The following CELSR3 variants were observed in gnomAD, a reference collection of about 807,000 sequenced individuals.
The protein encoded by CELSR3 is EGF-like protein 1.
Under a neutral mutation model 270.0 loss-of-function variants are expected in CELSR3, and 73 were observed. That is an observed-to-expected ratio of 0.27 (90% CI 0.22 to 0.33). CELSR3 has a LOEUF of 0.33. Among genes scored for constraint, CELSR3 ranks in the 10% least tolerant of loss-of-function variants. The probability of loss-of-function intolerance (pLI) is 1.00; values close to 1 mark genes in which losing one functional copy is unlikely to be tolerated. For synonymous variants in CELSR3, 1,780 were observed against 1,905.4 expected (o/e 0.93, Z 1.71); for missense variants, 3,614 against 4,533.8 (o/e 0.80, Z 5.83).
chr3:48,655,412 G>A lies in CELSR3; in HGVS notation c.4742-18C>T, dbSNP rs2047171886. The stretch of plus-strand genomic sequence containing the variant: ...GGATTCACCTGGAGGGGAGATGCAT[G>A]TGGAATCATCAGGAGCAGCGGAGTC... On this transcript the variant is annotated intron_variant, in intron 4 of 34. Coordinates refer to ENST00000164024, the MANE Select transcript of CELSR3 (RefSeq NM_001407.3). The surrounding 1 kb of genome is among the most constrained non-coding windows in gnomAD (Gnocchi z 5.8). 1.2e-6 allele frequency: 2 copies of A among 1,613,312 alleles called. No homozygotes were observed. The highest frequency in any genetic ancestry group is 8.5e-7 in the Non-Finnish European group (1 of 1,179,272).
Position 48,650,432 on chromosome 3 carries a change from C to CTGGGGGGGGGGGGCG in CELSR3, c.6472+47_6472+48insCGCCCCCCCCCCCCA. The stretch of plus-strand genomic sequence containing the variant: ...AGACATGGCTCTAGCAGTCAGAGTA[C>CTGGGGGGGGGGGGCG]AGGCCCACCCCCACCCTCAGTGATG... On this transcript the variant is annotated intron_variant, in intron 16 of 34. Transcript: ENST00000164024. This position sits in a 1 kb window ranked among gnomAD's most constrained non-coding sequence, Gnocchi z 5.1. 1 of 1,208,944 alleles carries CTGGGGGGGGGGGGCG rather than the reference C, an allele frequency of 8.3e-7. No individual in the cohort carries two copies. The highest frequency in any genetic ancestry group is 1.2e-6 in the Non-Finnish European group (1 of 844,584). The allele number at this position is 1,208,944 out of a possible 1,614,324, so 74.9% of individuals were successfully genotyped here.
intron 34 of CELSR3, among the ~76,000 whole-genome samples, chr3:48,638,761 T>A (rs2046996112): frequency 6.6e-6 from 1 of 151,162 alleles, no homozygotes; most frequent in Non-Finnish European, 1.5e-5. Context: ...CTCCCTCTGG[T>A]CCCCACCCCC....
Position 48,641,394 on chromosome 3 carries a change from G to A in CELSR3, c.8955C>T (p.Asn2985=), listed in dbSNP as rs2047025159. 1 of 1,612,526 alleles carries A rather than the reference G, an allele frequency of 6.2e-7. No individual in the cohort carries two copies. The highest frequency in any genetic ancestry group is 1.7e-5 in the Admixed American group (1 of 59,996). ...GLDTSKDAAN[N]NQPDPALTSG... ...TGGTCAGGGCCGGGTCTGGCTGGTTGTTGTTAGCTGCATCCTTGCTGGTGT... is the reference window on the plus strand; with the variant it reads ...TGGTCAGGGCCGGGTCTGGCTGGTTATTGTTAGCTGCATCCTTGCTGGTGT... The change falls in exon 33 of 35, where the codon AAC becomes AAT. Residue 2985 remains asparagine (N), a synonymous_variant. Transcript: ENST00000164024. The surrounding 1 kb of genome is among the most constrained non-coding windows in gnomAD (Gnocchi z 4.8).
chr3:48,646,709 G>A lies in CELSR3; in HGVS notation c.7295+54C>T. ...CCTACGCATCTACCCACCAAAAAAG[G>A]GGCTGCCAGGCTGAGAAGTTCGTAG... On this transcript the variant is annotated intron_variant, in intron 21 of 34. Transcript: ENST00000164024. The surrounding 1 kb of genome is among the most constrained non-coding windows in gnomAD (Gnocchi z 4.8). 4 of 1,559,264 alleles carry A rather than the reference G, an allele frequency of 2.6e-6. No homozygotes were observed. The highest frequency in any genetic ancestry group is 1.2e-5 in the South Asian group (1 of 83,848).
chr3:48,652,002 G>A lies in CELSR3; in HGVS notation c.5798C>T (p.Pro1933Leu). ...CTCCGCATTCACTCGGTGGCTGGGGGGTAGCAGGGCCGGGGAGCCAGAGGG... is the reference window on the plus strand; with the variant it reads ...CTCCGCATTCACTCGGTGGCTGGGGAGTAGCAGGGCCGGGGAGCCAGAGGG... ...STPSGSPALL[P>L]PSHRVNAEPG... is the part of the protein sequence containing the mutation. Residue 1933 changes from proline (P) to leucine (L), a missense_variant, in exon 12 of 35, where the codon CCC becomes CTC. By Grantham distance (98) the Pro-to-Leu change is moderately conservative. Around this residue, in one of 7 missense-constraint regions of CELSR3, gnomAD observed 1,331 missense variants for 1,933.7 expected, o/e 0.69. Coordinates refer to ENST00000164024, the MANE Select transcript of CELSR3 (RefSeq NM_001407.3). The surrounding 1 kb of genome is among the most constrained non-coding windows in gnomAD (Gnocchi z 4.3). 1 of 1,586,364 alleles carries A rather than the reference G, an allele frequency of 6.3e-7. No individual in the cohort carries two copies. Among genetic ancestry groups the A allele is most frequent in the Non-Finnish European group, 8.6e-7 (1 of 1,169,164 alleles).
chr3:48,656,695 C>T lies in CELSR3; in HGVS notation c.4399+3G>A. The T allele has an allele frequency of 6.8e-7, 1 of 1,480,202 alleles. No individual in the cohort carries two copies. The highest frequency in any genetic ancestry group is 8.9e-7 in the Non-Finnish European group (1 of 1,122,476). 91.7% of individuals were successfully genotyped at this position (1,480,202 alleles called of 1,614,324 possible). ...CCCAGCTCTGGCCCGGCGCCCTGCT[C>T]ACCGGTGAAGCGCGGGCGGCAGACG... On this transcript the variant is annotated splice_donor_region_variant and intron_variant, in intron 2 of 34. Transcript: ENST00000164024.
rs117627987 is a variant in CELSR3 at position 48,652,709 on chromosome 3, G to T, written c.5635-156C>A. ...TAATATTGCTTGATTTTGACCGGGG[G>T]TGGGTAGAGACTGGGGCAGAGACTA... On this transcript the variant is annotated intron_variant, in intron 10 of 34. Transcript: ENST00000164024. The surrounding 1 kb of genome is among the most constrained non-coding windows in gnomAD (Gnocchi z 4.3). Among the ~76,000 whole-genome samples the T allele has an allele frequency of 1.3e-5, 2 of 152,182 alleles. No individual in the cohort carries two copies. The highest frequency in any genetic ancestry group is 4.8e-5 in the African/African-American group (2 of 41,428).
Position 48,641,084 on chromosome 3 carries a change from G to A in CELSR3, c.9025+240C>T. 3.6e-6 allele frequency: 2 copies of A among 553,996 alleles called. No homozygotes were observed. Among genetic ancestry groups the A allele is most frequent in the Non-Finnish European group, 6.4e-6 (2 of 312,088 alleles). 34.3% of individuals were successfully genotyped at this position (553,996 alleles called of 1,614,324 possible). A position where few individuals can be genotyped will look rare whatever the true frequency, so the allele number is the denominator to read the frequency against. On this transcript the variant is annotated intron_variant, in intron 33 of 34. Coordinates refer to ENST00000164024, the MANE Select transcript of CELSR3 (RefSeq NM_001407.3). The surrounding 1 kb of genome is among the most constrained non-coding windows in gnomAD (Gnocchi z 4.8). ...GTCTCTGAAAAACAGATGGGCTGGG[G>A]CAGGAGTGGTCGCCTGTGGTCCCCC...
Position 48,637,295 on chromosome 3 carries a change from C to T in CELSR3, c.*910G>A, listed in dbSNP as rs1228700728. Reference sequence around the variant, plus strand: ...AGGCAGTGGCACCTACATTCTGGGTCTTGAATTCCCTTGTTTCTGCTCCCT... The same window carrying T: ...AGGCAGTGGCACCTACATTCTGGGTTTTGAATTCCCTTGTTTCTGCTCCCT... On this transcript the variant is annotated 3_prime_UTR_variant, in exon 35 of 35. Transcript: ENST00000164024. 1 of 152,620 alleles carries T rather than the reference C, an allele frequency of 6.6e-6. No homozygotes were observed. Among genetic ancestry groups the T allele is most frequent in the Non-Finnish European group, 1.5e-5 (1 of 68,034 alleles). The allele number at this position is 152,620 out of a possible 1,614,324, so 9.5% of individuals were successfully genotyped here.
rs2047017315 is a variant in CELSR3, at chr3:48,640,630, A to G, written c.9026-71T>C. 2 of 1,444,984 alleles carry G rather than the reference A, an allele frequency of 1.4e-6. No individual in the cohort carries two copies. The highest frequency in any genetic ancestry group is 2.5e-5 in the East Asian group (1 of 40,028). 89.5% of individuals were successfully genotyped at this position (1,444,984 alleles called of 1,614,324 possible). A position where few individuals can be genotyped will look rare whatever the true frequency, so the allele number is the denominator to read the frequency against. ...AGGGCAGGCAGGAATTGCTGAGTCT[A>G]GGGGTGTGGCAGCCCTTGGGATCCT... On this transcript the variant is annotated intron_variant, in intron 33 of 34. Transcript: ENST00000164024. The surrounding 1 kb of genome is among the most constrained non-coding windows in gnomAD (Gnocchi z 7.5).
Position 48,659,489 on chromosome 3 carries a change from G to A in CELSR3, c.3146C>T (p.Thr1049Ile). Residue 1049 changes from threonine to isoleucine, a missense_variant, in exon 1 of 35, where the codon ACT (threonine) becomes ATT (isoleucine). Around this residue, in one of 7 missense-constraint regions of CELSR3, gnomAD observed 1,331 missense variants for 1,933.7 expected, o/e 0.69. Coordinates refer to ENST00000164024, the MANE Select transcript of CELSR3 (RefSeq NM_001407.3). The surrounding 1 kb of genome is among the most constrained non-coding windows in gnomAD (Gnocchi z 8.1). Reference protein sequence around the residue: ...AVDRGVPPLRTPVSIQVMVQD... With the variant: ...AVDRGVPPLRIPVSIQVMVQD... ...CACCATCACCTGGATACTGACTGGA[G>A]TCCGGAGTGGGGGCACACCTCTGTC... is the stretch of plus-strand genomic sequence containing the variant. 1.2e-6 allele frequency: 2 copies of A among 1,614,206 alleles called. No individual in the cohort carries two copies. Among genetic ancestry groups the A allele is most frequent in the East Asian group, 4.5e-5 (2 of 44,888 alleles).
chr3:48,648,282 C>G lies in CELSR3; in HGVS notation c.6957G>C (p.Leu2319=). ...MELTYLNPMG[L]VTPNIMLSID... Reference sequence around the variant, plus strand: ...ACAACGCACTGATATTAGGCGTCACCAGCCCCATGGGATTCAGGTATGTGA... The same window carrying G: ...ACAACGCACTGATATTAGGCGTCACGAGCCCCATGGGATTCAGGTATGTGA... The change falls in exon 19 of 35, where the codon CTG becomes CTC. Residue 2319 remains leucine (L), a synonymous_variant. Transcript: ENST00000164024. 1 of 1,609,406 alleles carries G rather than the reference C, an allele frequency of 6.2e-7. No individual in the cohort carries two copies. The highest frequency in any genetic ancestry group is 8.5e-7 in the Non-Finnish European group (1 of 1,178,140).
At position 48,645,549 on chromosome 3, in the gene CELSR3, A is replaced by G. The variant is rs993609928; in HGVS notation, c.7691T>C (p.Leu2564Pro). ...ACGCACATTGGACTTGAGGCTGCGC[A>G]GGCTCAGCAGGATGGCTGCAGTCAG... ...LVLTAAILLS[L>P]RSLKSNVRGI... The change falls in exon 24 of 35, where the codon CTG (leucine) becomes CCG (proline). Residue 2564 changes from leucine (L) to proline (P), a missense_variant. This residue lies in a region of CELSR3 where 1,240 missense variants were observed against 1,351.7 expected (regional missense o/e 0.92). Coordinates refer to ENST00000164024, the MANE Select transcript of CELSR3 (RefSeq NM_001407.3). The surrounding 1 kb of genome is among the most constrained non-coding windows in gnomAD (Gnocchi z 5.4). 1.2e-6 allele frequency: 2 copies of G among 1,612,564 alleles called. No homozygotes were observed. Among genetic ancestry groups the G allele is most frequent in the East Asian group, 2.2e-5 (1 of 44,894 alleles).
Position 48,652,454 on chromosome 3 carries a change from G to A in CELSR3, c.5734C>T (p.Leu1912=). 1 of 1,613,606 alleles carries A rather than the reference G, an allele frequency of 6.2e-7. No individual in the cohort carries two copies. Among genetic ancestry groups the A allele is most frequent in the Non-Finnish European group, 8.5e-7 (1 of 1,179,774 alleles). ...PGSAEEAPQG[L]VGCIQGVWLG... is the part of the protein sequence containing the mutation. Reference sequence around the variant, plus strand: ...ACCCCCACCTGGATGCAGCCAACCAGACCCTGAGGAGCCTCCTCTGCACTG... The same window carrying A: ...ACCCCCACCTGGATGCAGCCAACCAAACCCTGAGGAGCCTCCTCTGCACTG... The change falls in exon 11 of 35, where the codon CTG becomes TTG. Residue 1912 remains leucine, a synonymous_variant. Transcript: ENST00000164024. The surrounding 1 kb of genome is among the most constrained non-coding windows in gnomAD (Gnocchi z 4.3).
rs1319833382 is a variant in CELSR3 at position 48,650,118 on chromosome 3, G to A, written c.6472+362C>T. Among the ~76,000 whole-genome samples, 1 of 151,622 alleles carries A rather than the reference G, an allele frequency of 6.6e-6. No homozygotes were observed. The highest frequency in any genetic ancestry group is 1.5e-5 in the Non-Finnish European group (1 of 67,924). On this transcript the variant is annotated intron_variant, in intron 16 of 34. Coordinates refer to ENST00000164024, the MANE Select transcript of CELSR3 (RefSeq NM_001407.3). This position sits in a 1 kb window ranked among gnomAD's most constrained non-coding sequence, Gnocchi z 5.1. ...GGGTCTCTGAGGATCTCAGGCATCA[G>A]AGAAGGGCCCCTGGGGTACTCAGAT...
In CELSR3 at chr3:48,640,035, G is replaced by T; in HGVS notation, c.9550C>A (p.Pro3184Thr). Residue 3184 changes from proline to threonine, a missense_variant, in exon 34 of 35, where the codon CCC (proline) becomes ACC (threonine). By Grantham distance (38) the Pro-to-Thr change is conservative. This residue lies in a region of CELSR3 where 1,240 missense variants were observed against 1,351.7 expected (regional missense o/e 0.92). Coordinates refer to ENST00000164024, the MANE Select transcript of CELSR3 (RefSeq NM_001407.3). This position sits in a 1 kb window ranked among gnomAD's most constrained non-coding sequence, Gnocchi z 7.5. Reference sequence around the variant, plus strand: ...TCCAGCGGCCGGGATGGCAAGAGGGGGTCCCTTGAGAGTTGCCGCTGGGGA... The same window carrying T: ...TCCAGCGGCCGGGATGGCAAGAGGGTGTCCCTTGAGAGTTGCCGCTGGGGA... The part of the protein sequence containing the change: ...LSPQRQLSRD[P>T]LLPSRPLDSL... 1.2e-6 allele frequency: 2 copies of T among 1,611,310 alleles called. No homozygotes were observed. The highest frequency in any genetic ancestry group is 1.7e-6 in the Non-Finnish European group (2 of 1,179,768).
Position 48,643,657 on chromosome 3 carries a change from AG to A in CELSR3, c.8185del (p.Leu2729CysfsTer22). ...GGAGGCACTGACCAGCAGAAGCAGCAGGAAGGAGCTGCGAAGGGTCCTGCTG... is the reference window on the plus strand; with the variant it reads ...GGAGGCACTGACCAGCAGAAGCAGCAGAAGGAGCTGCGAAGGGTCCTGCTG... ...TSALTLRSSF[L>X]LLLLVSASWL... On this transcript the variant is annotated frameshift_variant, in exon 28 of 35. Coordinates refer to ENST00000164024, the MANE Select transcript of CELSR3 (RefSeq NM_001407.3). LOFTEE classifies it high-confidence loss of function. 6.4e-7 allele frequency: 1 copy of A among 1,552,356 alleles called. No homozygotes were observed. Among genetic ancestry groups the A allele is most frequent in the Non-Finnish European group, 8.7e-7 (1 of 1,147,570 alleles).
In CELSR3 at chr3:48,642,165, T is replaced by C; in HGVS notation, c.8666-156A>G. The stretch of plus-strand genomic sequence containing the variant: ...GAGGTAGCAGCAGAAGGGCTGGGAC[T>C]TATCAGAGGGAAGGACGAATCAGGA... On this transcript the variant is annotated intron_variant, in intron 31 of 34. Transcript: ENST00000164024. The surrounding 1 kb of genome is among the most constrained non-coding windows in gnomAD (Gnocchi z 6.1). The C allele has an allele frequency of 1.1e-6, 1 of 880,386 alleles. No homozygotes were observed. The highest frequency in any genetic ancestry group is 1.7e-6 in the Non-Finnish European group (1 of 590,992). 54.5% of individuals were successfully genotyped at this position (880,386 alleles called of 1,614,324 possible). A position where few individuals can be genotyped will look rare whatever the true frequency, so the allele number is the denominator to read the frequency against.
chr3:48,643,717 G>A (rs1163463513), intron 27 of CELSR3, 40 bp from the exon 28 acceptor site: 1 of 1,548,284 alleles, frequency 6.5e-7, no homozygotes, highest in East Asian at 2.4e-5. Flanking sequence ...GGACATGCAA[G>A]GCTCATGTAG....
Sources: gnomAD v4.1 joint callset for allele counts (sites outside exome capture counted in the v4.1 genomes callset) on GRCh38, gnomAD v4.1.1 for gene constraint, gnomAD v4.1.1 regional missense constraint, Gnocchi (gnomAD v3.1) non-coding constraint, MANE v1.5 for transcripts, NCBI Gene and HGNC (gene_info 2026-07-23, HGNC 2026-07-21) for gene names.